Variants in MPDZ observed in about 807,000 individuals in gnomAD.
MPDZ encodes multiple PDZ domain protein.
A neutral mutation model predicts 239.1 loss-of-function variants in MPDZ; 234 were observed. The ratio of observed to expected loss-of-function variants is 0.98; its 90% CI spans 0.88 to 1.09. The LOEUF is 1.09. Ranked by LOEUF, MPDZ falls within the 50% of genes least tolerant of loss-of-function variation. The pLI, the probability that MPDZ is intolerant of heterozygous loss-of-function variation, is 0.00. For missense variants in MPDZ, 3,175 were observed against 2,510.0 expected (o/e 1.26, Z -5.66); for synonymous variants, 1,048 against 881.3 (o/e 1.19, Z -3.35).
At chr9:13,128,033 T>C (rs1011869213) in intron 32 of MPDZ, among the ~76,000 whole-genome samples, 1 of 152,164 alleles carries the variant, frequency 6.6e-6, no homozygotes, top group Non-Finnish European at 1.5e-5. Context: ...TACCCCTCTA[T>C]AAAAATTGAT....
chr9:13,187,002 G>A (rs763461128), intron 17 of MPDZ, among the ~76,000 whole-genome samples: 32 of 152,002 alleles, frequency 2.1e-4, no homozygotes, highest in African/African-American at 6.3e-4. Flanking sequence ...TAGAGATATC[G>A]TATCACAAAC....
At chr9:13,207,707 G>A (rs972817759) in intron 10 of MPDZ, among the ~76,000 whole-genome samples, 1 of 151,968 alleles carries the variant, frequency 6.6e-6, no homozygotes, top group African/African-American at 2.4e-5. Context: ...CTGCTATTAT[G>A]CAGTTTATGA....
chr9:13,116,862 A>T (rs995436063), intron 39 of MPDZ, among the ~76,000 whole-genome samples: 4 of 152,202 alleles, frequency 2.6e-5, no homozygotes, highest in Non-Finnish European at 5.9e-5. Flanking sequence ...TAAAAAACTT[A>T]TAAGATTGTA....
chr9:13,164,544 G>C (rs1563939045), intron 22 of MPDZ, among the ~76,000 whole-genome samples: 1 of 151,858 alleles, frequency 6.6e-6, no homozygotes. Flanking sequence ...GGATAGAATA[G>C]CAAAAATAAT....
Position 13,219,704 on chromosome 9 carries a change from C to T in MPDZ, c.941G>A (p.Ser314Asn), listed in dbSNP as rs1164921723. Residue 314 changes from serine to asparagine, a missense_variant, in exon 8 of 47, where the codon AGC (serine) becomes AAC (asparagine). Coordinates refer to ENST00000319217, the MANE Select transcript of MPDZ (RefSeq NM_001378778.1). ...KIGDTDLAGM[S>N]SEQVAQVLRQ... Reference sequence around the variant, plus strand: ...AAGGACTTGTGCTACTTGCTCACTGCTCATTCCTGCTAGATCTGTGTCACC... The same window carrying T: ...AAGGACTTGTGCTACTTGCTCACTGTTCATTCCTGCTAGATCTGTGTCACC... 2 of 1,612,648 alleles carry T rather than the reference C, an allele frequency of 1.2e-6. No homozygotes were observed. The highest frequency in any genetic ancestry group is 4.5e-5 in the East Asian group (2 of 44,806).
chr9:13,258,253 T>C (rs1034893932), intron 1 of MPDZ, among the ~76,000 whole-genome samples: 4 of 152,362 alleles, frequency 2.6e-5, no homozygotes, highest in South Asian at 2.1e-4. Flanking sequence ...TTCTGCTCAA[T>C]GCAGATTATA....
chr9:13,151,588 C>A (rs1264475905), intron 24 of MPDZ, among the ~76,000 whole-genome samples: 2 of 151,864 alleles, frequency 1.3e-5, no homozygotes, highest in African/African-American at 2.4e-5. Context: ...CCTAGAGGTA[C>A]CAAATTCATA....
At chr9:13,254,445 G>C (rs1163675381) in intron 1 of MPDZ, among the ~76,000 whole-genome samples, 1 of 152,038 alleles carries the variant, frequency 6.6e-6, no homozygotes. Context: ...TCAACACAAA[G>C]AGAATTAAGA....
intron 43 of MPDZ, among the ~76,000 whole-genome samples, chr9:13,111,318 T>C (rs1041682962): frequency 2.6e-5 from 4 of 152,244 alleles, no homozygotes; most frequent in African/African-American, 7.2e-5. Flanking sequence ...GTGCTATGTA[T>C]ACAATCAGGT....
chr9:13,148,177 C>T (rs998833390), intron 25 of MPDZ, among the ~76,000 whole-genome samples: 2 of 151,972 alleles, frequency 1.3e-5, no homozygotes, highest in African/African-American at 4.8e-5. Context: ...GCAAAAGAAT[C>T]CTTGCAGTAG....
rs367600434 is a variant in MPDZ at position 13,153,795 on chromosome 9, T to C, written c.3453-3107A>G. ...CATAGGTAGGACTCCTTAACTCTTT[T>C]CTTAAGAATAAAAAATAAAATAAAA... On this transcript the variant is annotated intron_variant, in intron 24 of 46. Transcript: ENST00000319217. Among the ~76,000 whole-genome samples the C allele has an allele frequency of 5.6e-4, 85 of 152,110 alleles. No homozygotes were observed. In the East Asian group the frequency reaches 8.3e-3, roughly 15 times the overall value.
chr9:13,247,717 C>G lies in MPDZ; in HGVS notation c.101G>C (p.Ser34Thr). 6.2e-7 allele frequency: 1 copy of G among 1,613,636 alleles called. No individual in the cohort carries two copies. The highest frequency in any genetic ancestry group is 8.5e-7 in the Non-Finnish European group (1 of 1,179,678). ...RGDVANEDKL[S>T]LLKSVLQSPL... ...GCTCTGCAGGACTGACTTCAGAAGG[C>G]TCAGTTTGTCTTCATTTGCTACATC... Residue 34 changes from serine (S) to threonine (T), a missense_variant, in exon 3 of 47, where the codon AGC (serine) becomes ACC (threonine). Coordinates refer to ENST00000319217, the MANE Select transcript of MPDZ (RefSeq NM_001378778.1).
Position 13,168,359 on chromosome 9 carries a change from T to C in MPDZ, c.3254+7A>G, listed in dbSNP as rs752690230. On this transcript the variant is annotated splice_region_variant and intron_variant, in intron 22 of 46. Transcript: ENST00000319217. ...CCAAGTTAAACTGGGCTTCAAATGA[T>C]ACTTACTTTATGTCAGGGCCAATGA... 1.2e-5 allele frequency: 20 copies of C among 1,609,604 alleles called. No homozygotes were observed. The highest frequency in any genetic ancestry group is 1.7e-5 in the Non-Finnish European group (20 of 1,177,752).
At position 13,160,567 on chromosome 9, in the gene MPDZ, T is replaced by G. The variant is rs141022303; in HGVS notation, c.3359+2124A>C. On this transcript the variant is annotated intron_variant, in intron 23 of 46. Transcript: ENST00000319217. ...TTGACACAATATTTCAGAGGGACAT[T>G]GAAATAATTGATTTTACCAGTTTGA... is the stretch of plus-strand genomic sequence containing the variant. Among the ~76,000 whole-genome samples, 821 of 151,846 alleles carry G rather than the reference T, an allele frequency of 5.4e-3. 8 individuals carry two copies. Among genetic ancestry groups the G allele is most frequent in the African/African-American group, 0.018 (739 of 41,424 alleles).
intron 39 of MPDZ, among the ~76,000 whole-genome samples, chr9:13,116,084 T>C (rs1943402844): frequency 1.3e-5 from 2 of 151,850 alleles, no homozygotes. Context: ...TGTGCCTGAA[T>C]AGACTTATGA....
At position 13,175,968 on chromosome 9, in the gene MPDZ, T is replaced by G. The variant is rs919594330; in HGVS notation, c.2932-93A>C. The G allele has an allele frequency of 4.8e-6, 7 of 1,467,328 alleles. No homozygotes were observed. The African/African-American group carries it at 1.0e-4, about 21-fold the overall frequency. 90.9% of individuals were successfully genotyped at this position (1,467,328 alleles called of 1,614,324 possible). On this transcript the variant is annotated intron_variant, in intron 20 of 46. Transcript: ENST00000319217. The stretch of plus-strand genomic sequence containing the variant: ...ACATCACGCATGTTCTCTAATTGAT[T>G]GTGCTTTATTTTGCAAGAACCTGCA...
At chr9:13,155,086 G>A (rs955643513) in intron 24 of MPDZ, among the ~76,000 whole-genome samples, 5 of 149,918 alleles carry the variant, frequency 3.3e-5, no homozygotes, top group Non-Finnish European at 5.9e-5. Flanking sequence ...GCATGGTGGT[G>A]CGCACCTGTA....
Position 13,179,416 on chromosome 9 carries a change from G to A in MPDZ, c.2650-2999C>T, listed in dbSNP as rs1952971546. 2.6e-5 allele frequency among the ~76,000 whole-genome samples: 4 copies of A among 152,064 alleles called. No individual in the cohort carries two copies. The South Asian group carries it at 8.3e-4, about 32-fold the overall frequency. On this transcript the variant is annotated intron_variant, in intron 19 of 46. Coordinates refer to ENST00000319217, the MANE Select transcript of MPDZ (RefSeq NM_001378778.1). ...GAGGTCAAGTCGCCCTTGTTAGCTG[G>A]GGTGTACTGTAAATGGTATAACAGT...
chr9:13,115,968 A>C (rs1943375025), intron 39 of MPDZ, among the ~76,000 whole-genome samples: 1 of 151,266 alleles, frequency 6.6e-6, no homozygotes, highest in Non-Finnish European at 1.5e-5. Context: ...AAAAAAAAAA[A>C]AAAAAGCGAA....
Sources: gnomAD v4.1 joint callset for allele counts (sites outside exome capture counted in the v4.1 genomes callset) on GRCh38, gnomAD v4.1.1 for gene constraint, MANE v1.5 for transcripts, NCBI Gene and HGNC (gene_info 2026-07-23, HGNC 2026-07-21) for gene names.